PIK3C3: variants seen among roughly 807,000 people sequenced by gnomAD.
PIK3C3 encodes PI3-kinase type 3.
A neutral mutation model predicts 126.1 loss-of-function variants in PIK3C3; 95 were observed. That is an observed-to-expected ratio of 0.75 (90% CI 0.64 to 0.89). The LOEUF (loss-of-function observed/expected upper bound fraction) is 0.89, where lower values mean the gene tolerates loss of function less well. Among genes scored for constraint, PIK3C3 ranks in the 40% least tolerant of loss-of-function variants. PIK3C3 has a pLI of 0.00. For missense variants in PIK3C3, 829 were observed against 1,063.2 expected (o/e 0.78, Z 3.06); for synonymous variants, 374 against 360.0 (o/e 1.04, Z -0.44).
chr18:41,960,795 T>C (rs1980041762), intron 2 of PIK3C3, among the ~76,000 whole-genome samples: 2 of 151,672 alleles, frequency 1.3e-5, no homozygotes, highest in South Asian at 2.1e-4. Context: ...CAGGCTGGAG[T>C]GCAGTGGCAT....
At chr18:42,026,484 T>C (rs563445637) in intron 13 of PIK3C3, 5 of 152,204 alleles carry the variant, frequency 3.3e-5, no homozygotes, top group Non-Finnish European at 2.9e-5. Flanking sequence ...TTGAGAGATA[T>C]CATCTCCCTT....
Position 42,004,420 on chromosome 18 carries a change from A to G in PIK3C3, c.1049A>G (p.Glu350Gly). 1 of 1,613,814 alleles carries G rather than the reference A, an allele frequency of 6.2e-7. No individual in the cohort carries two copies. The highest frequency in any genetic ancestry group is 8.5e-7 in the Non-Finnish European group (1 of 1,179,868). The change falls in exon 10 of 25, where the codon GAA becomes GGA. Residue 350 changes from glutamate to glycine, a missense_variant. By Grantham distance (98) the Glu-to-Gly change is moderately conservative. Around this residue, in one of 4 missense-constraint regions of PIK3C3, gnomAD observed 64 missense variants for 118.7 expected, o/e 0.54. Coordinates refer to ENST00000262039, the MANE Select transcript of PIK3C3 (RefSeq NM_002647.4). ...DLPQEAKQALELLGKWKPMDV... is the reference protein window; with the variant it reads ...DLPQEAKQALGLLGKWKPMDV... ...CCTCAAGAGGCCAAACAGGCCTTGG[A>G]ACTTCTGGGAAAATGGAAGCCGATG... is the stretch of plus-strand genomic sequence containing the variant.
chr18:42,081,196 CT>C lies in PIK3C3; in HGVS notation c.*62del. ...ATAAGAAAACCACGTTAGGAGCAACCTTTGTATATTGGAGACTTCAGAGTAA... is the reference window on the plus strand; with the variant it reads ...ATAAGAAAACCACGTTAGGAGCAACCTTGTATATTGGAGACTTCAGAGTAA... On this transcript the variant is annotated 3_prime_UTR_variant, in exon 25 of 25. Coordinates refer to ENST00000262039, the MANE Select transcript of PIK3C3 (RefSeq NM_002647.4). 8.4e-7 allele frequency: 1 copy of C among 1,183,608 alleles called. No homozygotes were observed. Among genetic ancestry groups the C allele is most frequent in the Non-Finnish European group, 1.2e-6 (1 of 808,214 alleles). The allele number at this position is 1,183,608 out of a possible 1,614,324, so 73.3% of individuals were successfully genotyped here.
rs150299334 is a variant in PIK3C3 at position 41,988,922 on chromosome 18, G to A, written c.618+1024G>A. ...TTAGATATCACTGGGTATAGAAAAC[G>A]TAATGTTAGAGTTTGCCCAGCCTTT... is the stretch of plus-strand genomic sequence containing the variant. On this transcript the variant is annotated intron_variant, in intron 5 of 24. Transcript: ENST00000262039. Among the ~76,000 whole-genome samples the A allele has an allele frequency of 1.8e-3, 271 of 152,074 alleles. 1 individual carries two copies. Among genetic ancestry groups the A allele is most frequent in the African/African-American group, 5.9e-3 (245 of 41,496 alleles).
At chr18:42,079,730 T>G (rs1048864911) in intron 24 of PIK3C3, among the ~76,000 whole-genome samples, 1 of 152,216 alleles carries the variant, frequency 6.6e-6, no homozygotes, top group East Asian at 1.9e-4. Context: ...AGTTTTTCAT[T>G]GCGTCCAAAT....
chr18:41,997,639 A>AG (rs990987463), intron 9 of PIK3C3, among the ~76,000 whole-genome samples: 4 of 152,104 alleles, frequency 2.6e-5, no homozygotes, highest in African/African-American at 7.2e-5. Flanking sequence ...AATAGCTAGC[A>AG]TTTTTTAAAC....
chr18:42,004,236 C>G, intron 9 of PIK3C3, 120 bp from the exon 10 acceptor site: 1 of 682,202 alleles, frequency 1.5e-6, no homozygotes, highest in South Asian at 1.8e-5. Context: ...AGTGCTTACA[C>G]AAGGAGTCTA....
In PIK3C3 at chr18:41,996,713, C is replaced by T. The variant is rs1397503888; in HGVS notation, c.967C>T (p.Leu323Phe). The change falls in exon 9 of 25, where the codon CTT (leucine) becomes TTT (phenylalanine). Residue 323 changes from leucine to phenylalanine, a missense_variant. Physicochemically the swap from Leu to Phe is conservative, Grantham distance 22. This residue lies in a region of PIK3C3 where 64 missense variants were observed against 118.7 expected (regional missense o/e 0.54). Transcript: ENST00000262039. Reference protein sequence around the residue: ...QDLVWKFRYYLTNQEKALTKF... With the variant: ...QDLVWKFRYYFTNQEKALTKF... ...TCTTGTTTGGAAGTTTAGATATTAT[C>T]TTACGAATCAAGAAAAAGTGAGTGT... is the stretch of plus-strand genomic sequence containing the variant. 2 of 1,551,668 alleles carry T rather than the reference C, an allele frequency of 1.3e-6. No homozygotes were observed. The highest frequency in any genetic ancestry group is 1.8e-6 in the Non-Finnish European group (2 of 1,137,216).
intron 4 of PIK3C3, among the ~76,000 whole-genome samples, chr18:41,978,518 A>T (rs1167524217): frequency 6.6e-6 from 1 of 152,188 alleles, no homozygotes; most frequent in Non-Finnish European, 1.5e-5. Flanking sequence ...TCTCAAGGGG[A>T]CAATTTGGCA....
At chr18:41,986,620 T>C (rs781370029) in intron 4 of PIK3C3, among the ~76,000 whole-genome samples, 3 of 130,796 alleles carry the variant, frequency 2.3e-5, no homozygotes, top group Non-Finnish European at 4.4e-5. Context: ...GGTCACATTG[T>C]CTGATCTTCT....
intron 6 of PIK3C3, among the ~76,000 whole-genome samples, chr18:41,991,305 T>C (rs1192211969): frequency 1.3e-5 from 2 of 152,136 alleles, no homozygotes; most frequent in Non-Finnish European, 2.9e-5. Context: ...GGAAGATTAC[T>C]TGAGCCCAGG....
intron 15 of PIK3C3, among the ~76,000 whole-genome samples, chr18:42,030,201 T>C (rs1191963274): frequency 6.6e-6 from 1 of 152,316 alleles, no homozygotes; most frequent in South Asian, 2.1e-4. Flanking sequence ...AAAGTCCAGA[T>C]TGACTTGCCC....
At chr18:41,978,447 G>C (rs945568219) in intron 4 of PIK3C3, among the ~76,000 whole-genome samples, 1 of 152,124 alleles carries the variant, frequency 6.6e-6, no homozygotes, top group African/African-American at 2.4e-5. Context: ...ATTCAATTGA[G>C]AACCTATAAG....
chr18:41,982,823 G>A (rs907856958), intron 4 of PIK3C3, among the ~76,000 whole-genome samples: 1 of 152,126 alleles, frequency 6.6e-6, no homozygotes, highest in Non-Finnish European at 1.5e-5. Flanking sequence ...CCGTATCTGT[G>A]TGCTTAATTG....
chr18:42,057,780 AT>A, intron 21 of PIK3C3, 102 bp from the exon 22 acceptor site: 3 of 1,028,790 alleles, frequency 2.9e-6, no homozygotes, highest in Middle Eastern at 2.3e-4. Flanking sequence ...GTGAACTAAT[AT>A]TCTTTATGAA....
rs747898082 is a variant in PIK3C3, at chr18:42,040,711, T to G, written c.2073T>G (p.Ala691=). ...AGTTTATCCAGTCAGTTCCTGTGGC[T>G]GAAGTTCTTGATACAGAGGGAAGCA... ...FMQFIQSVPV[A]EVLDTEGSIQ... is the part of the protein sequence containing the mutation. Residue 691 remains alanine (A), a synonymous_variant, in exon 19 of 25, where the codon GCT becomes GCG. Transcript: ENST00000262039. The G allele has an allele frequency of 1.6e-5, 25 of 1,610,588 alleles. No homozygotes were observed. The Middle Eastern group carries it at 4.9e-4, about 32-fold the overall frequency.
At chr18:42,035,313 A>C (rs1984000463) in intron 16 of PIK3C3, among the ~76,000 whole-genome samples, 1 of 152,172 alleles carries the variant, frequency 6.6e-6, no homozygotes, top group African/African-American at 2.4e-5. Flanking sequence ...AGGACTCATC[A>C]AGAGCAGTGA....
chr18:42,066,927 A>T (rs188231344), intron 23 of PIK3C3, among the ~76,000 whole-genome samples: 1 of 152,160 alleles, frequency 6.6e-6, no homozygotes, highest in Non-Finnish European at 1.5e-5. Context: ...CTGTTCTCAT[A>T]TAGACACTGA....
intron 24 of PIK3C3, among the ~76,000 whole-genome samples, chr18:42,075,552 C>T (rs918334489): frequency 2.6e-5 from 4 of 152,030 alleles, no homozygotes; most frequent in East Asian, 3.9e-4. Flanking sequence ...TTAATTCTCA[C>T]ACCTGTGAAG....
Sources: allele counts gnomAD v4.1 joint callset (sites outside exome capture counted in the v4.1 genomes callset), GRCh38; gene constraint gnomAD v4.1.1; regional missense constraint gnomAD v4.1.1; transcripts MANE v1.5; gene names NCBI Gene and HGNC (gene_info 2026-07-23, HGNC 2026-07-21).